Variants in FNDC3A observed in about 807,000 individuals in gnomAD.
The protein encoded by FNDC3A is fibronectin type III domain containing 3A.
A neutral mutation model predicts 148.9 loss-of-function variants in FNDC3A; 32 were observed. The ratio of observed to expected loss-of-function variants is 0.21; its 90% CI spans 0.16 to 0.29. FNDC3A has a LOEUF of 0.29. Among genes scored for constraint, FNDC3A ranks in the 10% least tolerant of loss-of-function variants. The pLI is 1.00. For synonymous variants in FNDC3A, 472 were observed against 473.6 expected, an observed-to-expected ratio of 1.00 and a Z score of 0.04; for missense variants, 1,191 against 1,452.8, an observed-to-expected ratio of 0.82 and a Z score of 2.93.
intron 8 of FNDC3A, among the ~76,000 whole-genome samples, chr13:49,164,826 G>T (rs1593692119): frequency 6.6e-6 from 1 of 152,280 alleles, no homozygotes; most frequent in Middle Eastern, 3.4e-3. Flanking sequence ...GGGCAGGCTG[G>T]TCTTGAACTC....
intron 2 of FNDC3A, among the ~76,000 whole-genome samples, chr13:49,027,020 T>C (rs1323672580): frequency 6.6e-6 from 1 of 152,248 alleles, no homozygotes; most frequent in East Asian, 1.9e-4. Flanking sequence ...CCTGATAGTT[T>C]TTTTTTTAGA....
intron 8 of FNDC3A, chr13:49,146,242 C>T (rs1337742007): frequency 4.4e-6 from 1 of 225,698 alleles, no homozygotes; most frequent in African/African-American, 2.3e-5. Context: ...GTATGTAGAA[C>T]CCATGACCAA....
At chr13:49,164,261 T>C (rs1037986461) in intron 8 of FNDC3A, among the ~76,000 whole-genome samples, 19 of 152,242 alleles carry the variant, frequency 1.2e-4, no homozygotes, top group Non-Finnish European at 2.5e-4. Context: ...CCCGTTAGTC[T>C]GATAAGAGTT....
At chr13:48,993,427 C>G (rs943529881) in intron 1 of FNDC3A, among the ~76,000 whole-genome samples, 2 of 152,172 alleles carry the variant, frequency 1.3e-5, no homozygotes, top group Admixed American at 6.5e-5. Context: ...GATTTGAAAG[C>G]TGTGATCTTA....
chr13:49,143,766 A>G (rs1882820837), intron 7 of FNDC3A, among the ~76,000 whole-genome samples: 1 of 152,150 alleles, frequency 6.6e-6, no homozygotes, highest in Admixed American at 6.5e-5. Context: ...CACCAGGCAA[A>G]TTAGTGACAC....
chr13:48,977,657 T>C (rs766073736), intron 1 of FNDC3A, among the ~76,000 whole-genome samples: 5 of 152,210 alleles, frequency 3.3e-5, no homozygotes, highest in Non-Finnish European at 7.3e-5. Context: ...TTTTACCACA[T>C]CTTTTATGAA....
chr13:49,016,710 AT>A (rs569287691), intron 2 of FNDC3A, among the ~76,000 whole-genome samples: 261 of 151,698 alleles, frequency 1.7e-3, no homozygotes, highest in African/African-American at 6.1e-3. Context: ...TCAATTTTGG[AT>A]CTTTCCTGCT....
intron 2 of FNDC3A, among the ~76,000 whole-genome samples, chr13:49,060,700 C>T (rs981625241): frequency 3.4e-5 from 5 of 145,580 alleles, no homozygotes; most frequent in Non-Finnish European, 6.0e-5. Flanking sequence ...TTGATTAAAC[C>T]TTAAAAACAC....
At chr13:49,057,407 G>A (rs892619543) in intron 2 of FNDC3A, among the ~76,000 whole-genome samples, 1 of 152,098 alleles carries the variant, frequency 6.6e-6, no homozygotes, top group African/African-American at 2.4e-5. Flanking sequence ...TTGAAACTCA[G>A]CCATTTAGTT....
intron 1 of FNDC3A, among the ~76,000 whole-genome samples, chr13:48,984,636 T>C (rs1951755907): frequency 6.6e-6 from 1 of 152,206 alleles, no homozygotes; most frequent in African/African-American, 2.4e-5. Flanking sequence ...ACCCACTTCG[T>C]GACACTCTCA....
intron 19 of FNDC3A, among the ~76,000 whole-genome samples, chr13:49,192,833 C>G (rs957434912): frequency 2.0e-5 from 3 of 152,084 alleles, no homozygotes; most frequent in African/African-American, 7.2e-5. Flanking sequence ...TAAAGCTATT[C>G]CAGATTTTAA....
At chr13:49,202,440 A>G (rs568942279) in intron 24 of FNDC3A, among the ~76,000 whole-genome samples, 1 of 152,288 alleles carries the variant, frequency 6.6e-6, no homozygotes, top group East Asian at 1.9e-4. Flanking sequence ...ATTTGTATAT[A>G]CATTTATCTT....
chr13:49,187,212 T>C (rs370854805), intron 16 of FNDC3A, 22 bp downstream of exon 16: 45 of 1,477,812 alleles, frequency 3.0e-5, no homozygotes, highest in Non-Finnish European at 4.2e-5. Flanking sequence ...TATTAAACAC[T>C]GATAGATTTA....
chr13:48,994,505 G>A (rs1011579088), intron 1 of FNDC3A, among the ~76,000 whole-genome samples: 3 of 152,172 alleles, frequency 2.0e-5, no homozygotes, highest in African/African-American at 4.8e-5. Flanking sequence ...GTGGTTGAGC[G>A]CAGTGGCTCA....
intron 4 of FNDC3A, among the ~76,000 whole-genome samples, chr13:49,127,728 A>G (rs1881786022): frequency 6.6e-6 from 1 of 152,186 alleles, no homozygotes; most frequent in African/African-American, 2.4e-5. Context: ...CAAACTCACA[A>G]GTGCAAAACT....
intron 13 of FNDC3A, 22 bp from the exon 14 acceptor site, chr13:49,178,546 A>G: frequency 7.0e-7 from 1 of 1,424,614 alleles, no homozygotes; most frequent in Non-Finnish European, 9.8e-7. Flanking sequence ...TCGAATGAAG[A>G]CTTTGTTTTT....
intron 4 of FNDC3A, 62 bp from the exon 5 acceptor site, chr13:49,131,075 C>T (rs1228204170): frequency 3.6e-6 from 5 of 1,381,358 alleles, no homozygotes; most frequent in Non-Finnish European, 2.1e-6. Context: ...CTACTCTTAA[C>T]ATTTTTAAAA....
At chr13:49,166,472 A>G (rs1352842967) in intron 8 of FNDC3A, among the ~76,000 whole-genome samples, 2 of 152,140 alleles carry the variant, frequency 1.3e-5, no homozygotes, top group Non-Finnish European at 1.5e-5. Flanking sequence ...TGTGCTCTCA[A>G]TATGATACCT....
chr13:49,149,839 CTT>C (rs1283820306), intron 8 of FNDC3A, among the ~76,000 whole-genome samples: 2 of 152,044 alleles, frequency 1.3e-5, no homozygotes, highest in East Asian at 1.9e-4. Flanking sequence ...TTTGAAGACT[CTT>C]TATTACTGAT....
Sources: gnomAD v4.1 joint callset for allele counts (sites outside exome capture counted in the v4.1 genomes callset) on GRCh38, gnomAD v4.1.1 for gene constraint, MANE v1.5 for transcripts, NCBI Gene and HGNC (gene_info 2026-07-23, HGNC 2026-07-21) for gene names.